The following COL21A1 variants were observed in gnomAD, a reference collection of about 807,000 sequenced individuals.
COL21A1 encodes the protein collagen alpha-1(XXI) chain.
Under a neutral mutation model 137.9 loss-of-function variants are expected in COL21A1, and 149 were observed. The observed-to-expected ratio is 1.08, with a 90% confidence interval of 0.95 to 1.24. The LOEUF (loss-of-function observed/expected upper bound fraction) is 1.24. Among genes scored for constraint, COL21A1 ranks in the 50% most tolerant of loss-of-function variants. The probability of loss-of-function intolerance (pLI) is 0.00; values close to 1 mark genes in which losing one functional copy is unlikely to be tolerated. For missense variants in COL21A1, 1,167 were observed against 1,158.4 expected (o/e 1.01, Z -0.11); for synonymous variants, 456 against 391.5 (o/e 1.16, Z -1.95).
intron 1 of COL21A1, among the ~76,000 whole-genome samples, chr6:56,212,146 A>T (rs1231065171): frequency 6.6e-6 from 1 of 152,058 alleles, no homozygotes; most frequent in African/African-American, 2.4e-5. Flanking sequence ...TTGTATATGT[A>T]ATACAATAGA....
In COL21A1 at chr6:56,060,723, G is replaced by A; in HGVS notation, c.2407+18C>T. ...GTAATTTGAGAAAAGTTATTAAAAT[G>A]CTATATTTGATACCTACCTCTTATT... On this transcript the variant is annotated intron_variant, in intron 27 of 29. Coordinates refer to ENST00000244728, the MANE Select transcript of COL21A1 (RefSeq NM_030820.4). 1.3e-6 allele frequency: 2 copies of A among 1,575,806 alleles called. No homozygotes were observed. The highest frequency in any genetic ancestry group is 1.7e-6 in the Non-Finnish European group (2 of 1,162,522).
At position 56,140,162 on chromosome 6, in the gene COL21A1, T is replaced by A. The variant is rs11968941; in HGVS notation, c.1542+1623A>T. Among the ~76,000 whole-genome samples, 1,210 of 152,276 alleles carry A rather than the reference T, an allele frequency of 7.9e-3. 13 individuals carry two copies. The highest frequency in any genetic ancestry group is 0.028 in the African/African-American group (1,149 of 41,580). ...TAGTTCTCCATACAATTTAAATATA[T>A]TAGTTTTTTAATATTGAGGAAGTAT... On this transcript the variant is annotated intron_variant, in intron 12 of 29. Coordinates refer to ENST00000244728, the MANE Select transcript of COL21A1 (RefSeq NM_030820.4).
chr6:56,325,938 T>TATATTTAC (rs1765069996), intron 1 of COL21A1, among the ~76,000 whole-genome samples: 1 of 29,566 alleles, frequency 3.4e-5, no homozygotes, highest in Non-Finnish European at 5.3e-5. Flanking sequence ...ATATAATATA[T>TATATTTAC]ATTATATATT....
chr6:56,386,218 G>A (rs1025504958), intron 1 of COL21A1, among the ~76,000 whole-genome samples: 10 of 152,158 alleles, frequency 6.6e-5, no homozygotes, highest in African/African-American at 1.9e-4. Flanking sequence ...CAAATTGCTG[G>A]GATTACAGGC....
At position 56,057,708 on chromosome 6, in the gene COL21A1, A is replaced by G. The variant is rs745928217; in HGVS notation, c.2823T>C (p.Cys941=). 6.2e-7 allele frequency: 1 copy of G among 1,613,120 alleles called. No individual in the cohort carries two copies. The highest frequency in any genetic ancestry group is 8.5e-7 in the Non-Finnish European group (1 of 1,179,566). ...GATCTCTTCTGGCAATTACACTAAA[A>G]CATAGTGATGGGTCGCAGATGCCTG... The part of the protein sequence containing the change: ...GPPGICDPSL[C]FSVIARRDPF... Residue 941 remains cysteine (C), a synonymous_variant, in exon 30 of 30, where the codon TGT becomes TGC. Coordinates refer to ENST00000244728, the MANE Select transcript of COL21A1 (RefSeq NM_030820.4).
At chr6:56,333,124 A>G (rs1331066626) in intron 1 of COL21A1, among the ~76,000 whole-genome samples, 1 of 152,112 alleles carries the variant, frequency 6.6e-6, no homozygotes, top group Non-Finnish European at 1.5e-5. Flanking sequence ...CTATTGAGGT[A>G]TAACTGACAT....
At chr6:56,109,558 T>G (rs1287018203) in intron 16 of COL21A1, among the ~76,000 whole-genome samples, 2 of 151,654 alleles carry the variant, frequency 1.3e-5, no homozygotes, top group East Asian at 3.9e-4. Context: ...GAGAAAGTTA[T>G]CCAAGAACAA....
intron 16 of COL21A1, 97 bp downstream of exon 16, chr6:56,123,965 A>G (rs1304872399): frequency 3.9e-6 from 4 of 1,021,568 alleles, no homozygotes; most frequent in East Asian, 2.7e-5. Context: ...CCAATGCCAC[A>G]TGTTAAAAAA....
chr6:56,091,104 G>T (rs1768777348), intron 17 of COL21A1, among the ~76,000 whole-genome samples: 1 of 152,134 alleles, frequency 6.6e-6, no homozygotes, highest in South Asian at 2.1e-4. Context: ...TCACAAAGTA[G>T]ATTGGTAATT....
intron 18 of COL21A1, 88 bp downstream of exon 18, chr6:56,077,441 C>T (rs1767340783): frequency 1.1e-6 from 1 of 869,688 alleles, no homozygotes; most frequent in South Asian, 1.7e-5. Flanking sequence ...TTAACTGTTA[C>T]CACAAATGTA....
chr6:56,070,866 A>T, intron 20 of COL21A1, 68 bp from the exon 21 acceptor site: 1 of 1,126,730 alleles, frequency 8.9e-7, no homozygotes, highest in Non-Finnish European at 1.3e-6. Flanking sequence ...TGATATAGAC[A>T]CTTAAGGGAA....
At chr6:56,099,174 A>T (rs139786891) in intron 17 of COL21A1, among the ~76,000 whole-genome samples, 44 of 151,624 alleles carry the variant, frequency 2.9e-4, no homozygotes, top group African/African-American at 7.8e-4. Flanking sequence ...AATGAATTAC[A>T]GATTCCAAAT....
At chr6:56,182,752 A>G in intron 1 of COL21A1, 96 bp from the exon 2 acceptor site, 2 of 617,248 alleles carry the variant, frequency 3.2e-6, no homozygotes, top group South Asian at 2.1e-5. Flanking sequence ...ATTGAAGTAC[A>G]GCTAATTTTG....
intron 12 of COL21A1, among the ~76,000 whole-genome samples, chr6:56,134,969 C>A (rs1341869422): frequency 1.3e-5 from 2 of 151,832 alleles, no homozygotes; most frequent in Non-Finnish European, 2.9e-5. Context: ...TTAGTGGAAA[C>A]ACACTAATAC....
intron 1 of COL21A1, among the ~76,000 whole-genome samples, chr6:56,213,071 G>A (rs776493458): frequency 9.2e-5 from 14 of 151,896 alleles, no homozygotes; most frequent in Admixed American, 2.6e-4. Flanking sequence ...AAAAAGTAGA[G>A]GACTGACCAG....
chr6:56,201,164 T>C lies in COL21A1; in HGVS notation c.-38-18508A>G, dbSNP rs933054949. On this transcript the variant is annotated intron_variant, in intron 1 of 29. Transcript: ENST00000244728. ...TTTGATGGGGTTGTTTGTTTTTTTCTTGTAAATTTGTTGGAGTTCATTGTA... is the reference window on the plus strand; with the variant it reads ...TTTGATGGGGTTGTTTGTTTTTTTCCTGTAAATTTGTTGGAGTTCATTGTA... Among the ~76,000 whole-genome samples the C allele has an allele frequency of 9.3e-4, 142 of 152,322 alleles. 1 individual carries two copies. Among genetic ancestry groups the C allele is most frequent in the African/African-American group, 3.3e-3 (136 of 41,558 alleles).
intron 1 of COL21A1, among the ~76,000 whole-genome samples, chr6:56,350,872 G>A (rs2206531): frequency 0.31 from 46,680 of 152,174 alleles, 8,036 homozygotes; most frequent in East Asian, 0.72. Flanking sequence ...CCCAGCTACC[G>A]GAGGTCCCCG....
At chr6:56,181,419 C>G (rs983613126) in intron 2 of COL21A1, among the ~76,000 whole-genome samples, 1 of 151,024 alleles carries the variant, frequency 6.6e-6, no homozygotes, top group Non-Finnish European at 1.5e-5. Flanking sequence ...TGCAGGGAGA[C>G]GAAAGGATAG....
chr6:56,260,819 C>T (rs1763251123), intron 1 of COL21A1, among the ~76,000 whole-genome samples: 2 of 127,324 alleles, frequency 1.6e-5, no homozygotes, highest in African/African-American at 3.0e-5. Flanking sequence ...AAAGAAGCCA[C>T]ATTTTGGAGC....
Sources: allele counts gnomAD v4.1 joint callset (sites outside exome capture counted in the v4.1 genomes callset), GRCh38; gene constraint gnomAD v4.1.1; transcripts MANE v1.5; gene names NCBI Gene and HGNC (gene_info 2026-07-23, HGNC 2026-07-21).